The following RPTOR variants were observed in gnomAD, a reference collection of about 807,000 sequenced individuals.
The protein encoded by RPTOR is regulatory-associated protein of mTOR.
Under a neutral mutation model 169.9 loss-of-function variants are expected in RPTOR, and 21 were observed. That is an observed-to-expected ratio of 0.12 (90% CI 0.09 to 0.18). The LOEUF (loss-of-function observed/expected upper bound fraction) is 0.18. RPTOR is among the 10% of genes least tolerant of loss of function. The pLI is 1.00. For missense variants in RPTOR, 1,133 were observed against 1,855.9 expected, an observed-to-expected ratio of 0.61 and a Z score of 7.16; for synonymous variants, 732 against 753.2, an observed-to-expected ratio of 0.97 and a Z score of 0.46.
intron 13 of RPTOR, 139 bp downstream of exon 13, chr17:80,858,039 G>C: frequency 2.8e-6 from 2 of 708,394 alleles, no homozygotes; most frequent in Non-Finnish European, 4.9e-6. Context: ...CTCTCTTCTG[G>C]GGTAAAGTGG....
rs796927178 is a variant in RPTOR, at chr17:80,659,667, C to T, written c.348+15857C>T. Among the ~76,000 whole-genome samples the T allele has an allele frequency of 1.4e-4, 22 of 152,150 alleles. No individual in the cohort carries two copies. The highest frequency in any genetic ancestry group is 3.3e-4 in the Admixed American group (5 of 15,284). ...GACTACGGGCACGCACCAGCACACT[C>T]GGCTAATTTCTGTATTTTTAGTAGA... On this transcript the variant is annotated intron_variant, in intron 3 of 33. Transcript: ENST00000306801. This position sits in a 1 kb window ranked among gnomAD's most constrained non-coding sequence, Gnocchi z 4.3.
At chr17:80,864,657 G>T (rs1462815390) in intron 13 of RPTOR, among the ~76,000 whole-genome samples, 1 of 152,226 alleles carries the variant, frequency 6.6e-6, no homozygotes, top group Non-Finnish European at 1.5e-5. Flanking sequence ...CTTTAGCCTT[G>T]AGGAGAATAC....
chr17:80,899,744 G>A (rs1469344264), intron 20 of RPTOR, among the ~76,000 whole-genome samples: 2 of 152,218 alleles, frequency 1.3e-5, no homozygotes, highest in Non-Finnish European at 2.9e-5. Flanking sequence ...TAACCGTGTG[G>A]ACTGAAGTTT....
intron 17 of RPTOR, 119 bp downstream of exon 17, chr17:80,885,267 T>C: frequency 8.7e-7 from 1 of 1,152,722 alleles, no homozygotes; most frequent in Non-Finnish European, 1.2e-6. Flanking sequence ...CTGCGTGTCA[T>C]TGCGAGAGCA....
Position 80,672,113 on chromosome 17 carries a change from G to A in RPTOR, c.348+28303G>A, listed in dbSNP as rs567020874. Among the ~76,000 whole-genome samples the A allele has an allele frequency of 4.6e-5, 7 of 152,224 alleles. No individual in the cohort carries two copies. The East Asian group carries it at 5.8e-4, about 13-fold the overall frequency. On this transcript the variant is annotated intron_variant, in intron 3 of 33. Coordinates refer to ENST00000306801, the MANE Select transcript of RPTOR (RefSeq NM_020761.3). Reference sequence around the variant, plus strand: ...ACTATATTACGAAGTGTTCTGACTCGGATACTGGAGAGGAACAGTGGCCCT... The same window carrying A: ...ACTATATTACGAAGTGTTCTGACTCAGATACTGGAGAGGAACAGTGGCCCT...
rs1399908988 is a variant in RPTOR, at chr17:80,629,338, GTGT to G, written c.265+3546_265+3548del. ...CCTGGGACTCAGCTCTCTATGTATT[GTGT>G]CGTTGGACATTGTACTGCAGCTCTT... On this transcript the variant is annotated intron_variant, in intron 2 of 33. Transcript: ENST00000306801. Among the ~76,000 whole-genome samples, 309 of 150,714 alleles carry G rather than the reference GTGT, an allele frequency of 2.1e-3. 4 individuals carry two copies. Among genetic ancestry groups the G allele is most frequent in the African/African-American group, 7.1e-3 (291 of 40,930 alleles).
intron 25 of RPTOR, among the ~76,000 whole-genome samples, chr17:80,945,074 G>C (rs1012664545): frequency 4.7e-5 from 7 of 148,510 alleles, no homozygotes; most frequent in African/African-American, 1.7e-4. Flanking sequence ...CGGGAGGATC[G>C]CTCGAGCCCA....
chr17:80,955,767 T>G (rs1302907672), intron 28 of RPTOR, among the ~76,000 whole-genome samples: 1 of 151,860 alleles, frequency 6.6e-6, no homozygotes, highest in Non-Finnish European at 1.5e-5. Context: ...GGTCACCCAT[T>G]TGGGGAATGA....
chr17:80,818,219 G>C (rs1670745515), intron 7 of RPTOR, among the ~76,000 whole-genome samples: 2 of 152,218 alleles, frequency 1.3e-5, no homozygotes, highest in South Asian at 4.1e-4. Context: ...GCACGGCTGG[G>C]ACCAGCGCTT....
chr17:80,962,609 G>A (rs553074398), intron 32 of RPTOR, 32 bp downstream of exon 32: 48 of 1,566,014 alleles, frequency 3.1e-5, no homozygotes, highest in South Asian at 2.7e-4. Context: ...GGCCTGCACC[G>A]CTCACCCGCC....
At chr17:80,658,496 C>G (rs759678357) in intron 3 of RPTOR, among the ~76,000 whole-genome samples, 1 of 152,140 alleles carries the variant, frequency 6.6e-6, no homozygotes, top group Non-Finnish European at 1.5e-5. Flanking sequence ...CCTCCCCGCA[C>G]CCCCCTGTCC....
intron 1 of RPTOR, among the ~76,000 whole-genome samples, chr17:80,585,090 G>C (rs2065047429): frequency 6.6e-6 from 1 of 151,860 alleles, no homozygotes; most frequent in Non-Finnish European, 1.5e-5. Context: ...GGTGCCATTT[G>C]GAAATTGAAT....
At chr17:80,942,907 A>C in intron 25 of RPTOR, among the ~76,000 whole-genome samples, 1 of 152,200 alleles carries the variant, frequency 6.6e-6, no homozygotes, top group East Asian at 1.9e-4. Context: ...ATTATGCCCA[A>C]ACTCCGTCCA....
chr17:80,582,566 G>C (rs1368503244), intron 1 of RPTOR, among the ~76,000 whole-genome samples: 1 of 99,396 alleles, frequency 1.0e-5, no homozygotes, highest in Non-Finnish European at 1.9e-5. Flanking sequence ...TTTTTTTTGA[G>C]ACAGCGTCTT....
intron 3 of RPTOR, among the ~76,000 whole-genome samples, chr17:80,686,205 GA>G (rs1225368980): frequency 5.0e-5 from 5 of 100,272 alleles, no homozygotes; most frequent in Admixed American, 3.0e-4. Context: ...TTTTTTTTTT[GA>G]GACAGAGTCT....
intron 23 of RPTOR, 77 bp from the exon 24 acceptor site, chr17:80,925,293 A>C: frequency 7.9e-7 from 1 of 1,273,808 alleles, no homozygotes; most frequent in Non-Finnish European, 1.1e-6. Context: ...CCCCAGCTGC[A>C]GCTCTTTTGA....
At position 80,545,438 on chromosome 17, in the gene RPTOR, A is replaced by G. The variant is rs2084262409; in HGVS notation, c.-192A>G. 1 of 470,534 alleles carries G rather than the reference A, an allele frequency of 2.1e-6. No individual in the cohort carries two copies. Among genetic ancestry groups the G allele is most frequent in the Admixed American group, 3.8e-5 (1 of 26,132 alleles). The allele number at this position is 470,534 out of a possible 1,614,324, so 29.1% of individuals were successfully genotyped here. A position where few individuals can be genotyped will look rare whatever the true frequency, so the allele number is the denominator to read the frequency against. ...ATTTCCTAGCGGCCCCCACCTCCCC[A>G]CTTCCCGCTCAGAGTTAGAGATAAG... On this transcript the variant is annotated 5_prime_UTR_variant, in exon 1 of 34. Coordinates refer to ENST00000306801, the MANE Select transcript of RPTOR (RefSeq NM_020761.3).
intron 1 of RPTOR, among the ~76,000 whole-genome samples, chr17:80,587,027 A>C (rs1310406335): frequency 3.3e-5 from 5 of 152,202 alleles, no homozygotes; most frequent in Non-Finnish European, 4.4e-5. Flanking sequence ...GTAAGCTTCG[A>C]GAATGTGCTG....
chr17:80,912,162 A>G (rs1398410528), intron 21 of RPTOR, among the ~76,000 whole-genome samples: 1 of 152,244 alleles, frequency 6.6e-6, no homozygotes, highest in Non-Finnish European at 1.5e-5. Context: ...TTTTACGAAC[A>G]TTAATAAATG....
Sources: gnomAD v4.1 joint callset for allele counts (sites outside exome capture counted in the v4.1 genomes callset) on GRCh38, gnomAD v4.1.1 for gene constraint, Gnocchi (gnomAD v3.1) non-coding constraint, MANE v1.5 for transcripts, NCBI Gene and HGNC (gene_info 2026-07-23, HGNC 2026-07-21) for gene names.